The following COL24A1 variants were observed in gnomAD, a reference collection of about 807,000 sequenced individuals.
COL24A1 encodes the protein collagen type XXIV alpha 1 chain, also known as collagen alpha-1(XXIV) chain.
Under a neutral mutation model 253.9 loss-of-function variants are expected in COL24A1, and 224 were observed. The ratio of observed to expected loss-of-function variants is 0.88; its 90% CI spans 0.79 to 0.99. COL24A1 has a LOEUF of 0.99. Among genes scored for constraint, COL24A1 ranks in the 50% least tolerant of loss-of-function variants. COL24A1 has a pLI of 0.00. For missense variants in COL24A1, 2,131 were observed against 2,068.5 expected, an observed-to-expected ratio of 1.03 and a Z score of -0.59; for synonymous variants, 685 against 673.7, an observed-to-expected ratio of 1.02 and a Z score of -0.26.
intron 7 of COL24A1, among the ~76,000 whole-genome samples, chr1:86,063,971 AT>A (rs1208966264): frequency 6.6e-6 from 1 of 151,904 alleles, no homozygotes; most frequent in Non-Finnish European, 1.5e-5. Flanking sequence ...CTTATTAATA[AT>A]TTAATCTTGC....
At chr1:85,902,147 C>T (rs1327815385) in intron 28 of COL24A1, among the ~76,000 whole-genome samples, 1 of 152,088 alleles carries the variant, frequency 6.6e-6, no homozygotes, top group Non-Finnish European at 1.5e-5. Flanking sequence ...AAGGACATAC[C>T]ATCCCAAAAT....
chr1:86,097,744 T>G (rs1035520434), intron 5 of COL24A1, among the ~76,000 whole-genome samples: 2 of 151,724 alleles, frequency 1.3e-5, no homozygotes, highest in African/African-American at 4.9e-5. Flanking sequence ...GGCTTAGTCT[T>G]TGGACGTTAT....
At chr1:85,889,472 A>C in intron 32 of COL24A1, 88 bp downstream of exon 32, 1 of 1,113,462 alleles carries the variant, frequency 9.0e-7, no homozygotes, top group East Asian at 2.4e-5. Flanking sequence ...TCTAAAACAT[A>C]CCAGTCACAG....
chr1:86,013,723 C>T (rs1696748822), intron 19 of COL24A1, among the ~76,000 whole-genome samples: 1 of 152,122 alleles, frequency 6.6e-6, no homozygotes, highest in African/African-American at 2.4e-5. Context: ...GTAATCCCAG[C>T]TACTTGGGAG....
chr1:85,839,708 C>G (rs1181860028), intron 42 of COL24A1, among the ~76,000 whole-genome samples: 1 of 152,100 alleles, frequency 6.6e-6, no homozygotes, highest in Non-Finnish European at 1.5e-5. Flanking sequence ...CAGAGGGAGA[C>G]ACAGTCTCAG....
chr1:85,742,175 C>T (rs532008770), intron 57 of COL24A1, among the ~76,000 whole-genome samples: 3 of 150,634 alleles, frequency 2.0e-5, no homozygotes, highest in South Asian at 2.1e-4. Flanking sequence ...ACTCTGTGGC[C>T]AGGCTGGAGT....
chr1:85,923,900 CA>C (rs1353181053), intron 24 of COL24A1, among the ~76,000 whole-genome samples: 1 of 151,698 alleles, frequency 6.6e-6, no homozygotes, highest in Admixed American at 6.6e-5. Context: ...TTGAAATGAT[CA>C]AAAAAATTGA....
At chr1:85,852,935 C>A (rs1558394113) in intron 37 of COL24A1, among the ~76,000 whole-genome samples, 1 of 152,170 alleles carries the variant, frequency 6.6e-6, no homozygotes, top group Non-Finnish European at 1.5e-5. Context: ...CAGGCGCATG[C>A]CACAGTAACC....
intron 24 of COL24A1, among the ~76,000 whole-genome samples, chr1:85,926,785 G>A (rs1389402185): frequency 6.6e-6 from 1 of 151,924 alleles, no homozygotes; most frequent in East Asian, 1.9e-4. Context: ...CCTGCACGTT[G>A]TGCACATGTA....
At chr1:85,837,105 G>A (rs528660694) in intron 43 of COL24A1, among the ~76,000 whole-genome samples, 2 of 152,262 alleles carry the variant, frequency 1.3e-5, no homozygotes, top group South Asian at 4.2e-4. Flanking sequence ...CTCAAATTAT[G>A]CTGGAAGCAG....
intron 19 of COL24A1, among the ~76,000 whole-genome samples, chr1:85,990,468 T>C (rs1694147192): frequency 1.3e-5 from 2 of 152,202 alleles, no homozygotes; most frequent in Admixed American, 1.3e-4. Context: ...TTCGTGCTCC[T>C]ATGAGACTCT....
intron 37 of COL24A1, among the ~76,000 whole-genome samples, chr1:85,851,241 C>A (rs774147072): frequency 6.6e-6 from 1 of 151,914 alleles, no homozygotes; most frequent in African/African-American, 2.4e-5. Context: ...TCTCCTGAAA[C>A]TTCTTTTTAA....
At chr1:85,940,753 T>A (rs943731292) in intron 24 of COL24A1, among the ~76,000 whole-genome samples, 8 of 152,132 alleles carry the variant, frequency 5.3e-5, no homozygotes, top group Non-Finnish European at 1.5e-5. Context: ...AATGTAGTAA[T>A]AAAATAAAAG....
intron 28 of COL24A1, 44 bp downstream of exon 28, chr1:85,907,150 T>A: frequency 6.8e-7 from 1 of 1,462,332 alleles, no homozygotes; most frequent in Non-Finnish European, 9.5e-7. Context: ...ATTTATGAAG[T>A]AATTTTGGGG....
intron 1 of COL24A1, 92 bp downstream of exon 1, chr1:86,156,249 G>A (rs998779992): frequency 4.8e-6 from 6 of 1,255,280 alleles, no homozygotes; most frequent in Non-Finnish European, 4.4e-6. Context: ...CCAAGGAGCC[G>A]GACTTCAGAT....
At chr1:85,783,658 G>C in intron 50 of COL24A1, 100 bp from the exon 51 acceptor site, 1 of 1,088,266 alleles carries the variant, frequency 9.2e-7, no homozygotes, top group Non-Finnish European at 1.4e-6. Flanking sequence ...TTTAAAAATG[G>C]AATATAATAC....
chr1:85,796,906 A>C (rs1017968885), intron 47 of COL24A1, among the ~76,000 whole-genome samples: 1 of 152,110 alleles, frequency 6.6e-6, no homozygotes, highest in Non-Finnish European at 1.5e-5. Flanking sequence ...TATGCAAAGA[A>C]CATTCAATTC....
intron 20 of COL24A1, 54 bp downstream of exon 20, chr1:85,987,547 C>G: frequency 1.4e-6 from 2 of 1,427,078 alleles, no homozygotes; most frequent in Non-Finnish European, 9.8e-7. Context: ...TATTGAGAAT[C>G]AGGAGCTCTA....
Position 86,125,775 on chromosome 1 carries a change from G to T in COL24A1, c.561C>A (p.Ser187Arg), listed in dbSNP as rs1421639780. The stretch of plus-strand genomic sequence containing the variant: ...TCTGAACTTCTGGAATAGTCTCTGT[G>T]CTAAAATATTTCTTTCCACACTCAA... ...MFVECGKKYF[S>R]TETIPEVQTF... is the part of the protein sequence containing the mutation. Residue 187 changes from serine (S) to arginine (R), a missense_variant, in exon 3 of 60, where the codon AGC becomes AGA. Ser to Arg is a moderately radical substitution (Grantham distance 110). Coordinates refer to ENST00000370571, the MANE Select transcript of COL24A1 (RefSeq NM_152890.7). 1 of 1,612,552 alleles carries T rather than the reference G, an allele frequency of 6.2e-7. No homozygotes were observed. The highest frequency in any genetic ancestry group is 1.3e-5 in the African/African-American group (1 of 74,832).
Sources: gnomAD v4.1 joint callset for allele counts (sites outside exome capture counted in the v4.1 genomes callset) on GRCh38, gnomAD v4.1.1 for gene constraint, MANE v1.5 for transcripts, NCBI Gene and HGNC (gene_info 2026-07-23, HGNC 2026-07-21) for gene names.